MAPK6: variants seen among roughly 807,000 people sequenced by gnomAD.
The protein encoded by MAPK6 is ERK-3.
In MAPK6, 19 loss-of-function variants were observed where a neutral mutation model predicts 59.3. The ratio of observed to expected loss-of-function variants is 0.32; its 90% CI spans 0.22 to 0.47. The LOEUF (loss-of-function observed/expected upper bound fraction) is 0.47, where lower values mean the gene tolerates loss of function less well. MAPK6 is among the 20% of genes least tolerant of loss of function. The pLI, the probability that MAPK6 is intolerant of heterozygous loss-of-function variation, is 1.00. For missense variants in MAPK6, 724 were observed against 847.9 expected, an observed-to-expected ratio of 0.85 and a Z score of 1.81; for synonymous variants, 316 against 290.3, an observed-to-expected ratio of 1.09 and a Z score of -0.90.
chr15:52,025,787 CA>C (rs200008223), intron 1 of MAPK6, among the ~76,000 whole-genome samples: 2 of 149,778 alleles, frequency 1.3e-5, no homozygotes, highest in Non-Finnish European at 3.0e-5. Context: ...GACTACGTCT[CA>C]AAAAAAAATA....
intron 1 of MAPK6, among the ~76,000 whole-genome samples, chr15:51,981,996 C>G (rs2057175000): frequency 6.6e-6 from 1 of 152,064 alleles, no homozygotes; most frequent in Non-Finnish European, 1.5e-5. Flanking sequence ...TAAAATAGTA[C>G]TGAGGTGGGG....
intron 2 of MAPK6, among the ~76,000 whole-genome samples, chr15:51,990,738 C>T (rs765381610): frequency 7.2e-5 from 11 of 152,144 alleles, no homozygotes; most frequent in African/African-American, 1.4e-4. Flanking sequence ...ATCACGAGGT[C>T]GGGAGATCGA....
intron 1 of MAPK6, among the ~76,000 whole-genome samples, chr15:52,026,627 C>T (rs2030788653): frequency 6.6e-6 from 1 of 151,988 alleles, no homozygotes; most frequent in Admixed American, 6.6e-5. Flanking sequence ...AAGATTCTAA[C>T]CCTATAGTCA....
intron 1 of MAPK6, among the ~76,000 whole-genome samples, chr15:52,024,860 T>C (rs1175105134): frequency 6.7e-6 from 1 of 148,926 alleles, no homozygotes; most frequent in Admixed American, 6.8e-5. Flanking sequence ...ACTACAGGCA[T>C]GTGCCATCAT....
At chr15:52,009,359 A>G (rs1427184223) in intron 3 of MAPK6, among the ~76,000 whole-genome samples, 1 of 152,226 alleles carries the variant, frequency 6.6e-6, no homozygotes, top group African/African-American at 2.4e-5. Flanking sequence ...TCCAGAAATT[A>G]GGAGTATCTG....
At chr15:52,049,361 T>TA (rs2031704264) in intron 2 of MAPK6, among the ~76,000 whole-genome samples, 1 of 149,464 alleles carries the variant, frequency 6.7e-6, no homozygotes, top group Admixed American at 6.6e-5. Flanking sequence ...ATTTTTTTTT[T>TA]TTTTTTTTTT....
intron 1 of MAPK6, among the ~76,000 whole-genome samples, chr15:52,043,862 A>G (rs756269436): frequency 2.2e-5 from 3 of 135,102 alleles, no homozygotes; most frequent in Non-Finnish European, 4.6e-5. Context: ...TGCAACCTCT[A>G]CCTACCTGGT....
At chr15:51,988,229 T>C (rs2057197078) in intron 2 of MAPK6, among the ~76,000 whole-genome samples, 1 of 152,002 alleles carries the variant, frequency 6.6e-6, no homozygotes, top group African/African-American at 2.4e-5. Context: ...GAAAAGAATA[T>C]GAAAGGTTAT....
chr15:52,000,799 C>CA lies in MAPK6; in HGVS notation c.-769-3452dup, dbSNP rs573980691. Among the ~76,000 whole-genome samples the CA allele has an allele frequency of 6.6e-3, 874 of 133,126 alleles. 12 individuals are homozygous for CA. The South Asian group carries it at 0.08, about 12-fold the overall frequency. The allele number at this position is 133,126 out of a possible 152,430, so 87.3% of individuals were successfully genotyped here. ...TGGGCGACAGAGAGAGACTCCATTT[C>CA]AAAAAAAAAAAAAATTCAATAGCTT... is the stretch of plus-strand genomic sequence containing the variant. On this transcript the variant is annotated intron_variant, in intron 2 of 7. Coordinates refer to the MAPK6 transcript ENST00000691380.
At chr15:52,053,405 A>G (rs537575386) in intron 3 of MAPK6, among the ~76,000 whole-genome samples, 1 of 152,172 alleles carries the variant, frequency 6.6e-6, no homozygotes, top group South Asian at 2.1e-4. Context: ...CATTTCCCTA[A>G]TAACTAATGG....
intron 3 of MAPK6, among the ~76,000 whole-genome samples, chr15:52,006,191 C>T (rs1210500766): frequency 6.6e-6 from 1 of 152,140 alleles, no homozygotes; most frequent in Non-Finnish European, 1.5e-5. Flanking sequence ...TAACAATATG[C>T]TAGGCCTGTT....
intron 1 of MAPK6, chr15:52,020,177 C>G (rs2030466238): frequency 1.3e-5 from 2 of 152,256 alleles, no homozygotes; most frequent in African/African-American, 2.4e-5. Context: ...AGGGCCTTGT[C>G]ACTTTGCTGT....
chr15:52,033,070 A>C (rs1208863212), intron 1 of MAPK6, among the ~76,000 whole-genome samples: 1 of 152,192 alleles, frequency 6.6e-6, no homozygotes, highest in African/African-American at 2.4e-5. Context: ...ACTTCCTGAG[A>C]AGTAACTGGG....
Position 52,064,686 on chromosome 15 carries a change from C to G in MAPK6, c.1852C>G (p.Gln618Glu). ...NQFCEVRKDE[Q>E]VEKENTYTSY... ...GTTTTGTGAGGTAAGGAAGGATGAA[C>G]AAGTTGAGAAGGAAAACACTTACAC... Residue 618 changes from glutamine to glutamate, a missense_variant, in exon 6 of 6, where the codon CAA becomes GAA. This residue lies in a region of MAPK6 where 502 missense variants were observed against 507.6 expected (regional missense o/e 0.99). Coordinates refer to ENST00000261845, the MANE Select transcript of MAPK6 (RefSeq NM_002748.4). 1.9e-6 allele frequency: 3 copies of G among 1,611,802 alleles called. No individual in the cohort carries two copies. The highest frequency in any genetic ancestry group is 2.5e-6 in the Non-Finnish European group (3 of 1,179,796).
upstream of MAPK6, among the ~76,000 whole-genome samples, chr15:52,016,299 G>C (rs780811714): frequency 2.6e-5 from 4 of 151,132 alleles, no homozygotes; most frequent in East Asian, 7.8e-4. Flanking sequence ...TGACACAGGA[G>C]AATTGCTTGA....
At chr15:52,058,866 G>A in intron 4 of MAPK6, 69 bp downstream of exon 4, 3 of 1,359,454 alleles carry the variant, frequency 2.2e-6, no homozygotes, top group East Asian at 5.0e-5. Flanking sequence ...TAGGGAAGCT[G>A]GAGCTTTTTA....
intron 1 of MAPK6, among the ~76,000 whole-genome samples, chr15:51,978,421 A>T (rs1458238500): frequency 6.6e-6 from 1 of 151,992 alleles, no homozygotes; most frequent in Non-Finnish European, 1.5e-5. Context: ...GGCGTGAGCC[A>T]CCATGCCCAG....
chr15:52,061,032 C>A (rs1363877280), intron 4 of MAPK6, among the ~76,000 whole-genome samples: 2 of 152,160 alleles, frequency 1.3e-5, no homozygotes, highest in Admixed American at 1.3e-4. Context: ...AGGCGTGAGC[C>A]ACCACACTCA....
rs1213324777 is a variant in MAPK6 at position 52,064,375 on chromosome 15, T to G, written c.1541T>G (p.Leu514Arg). The stretch of plus-strand genomic sequence containing the variant: ...GCGCTAGAGGAAGCATCACAGCAAC[T>G]GGCTGGAAAAGAAAGGGAAAAGAAT... ...QIALEEASQQ[L>R]AGKEREKNQG... Residue 514 changes from leucine (L) to arginine (R), a missense_variant, in exon 6 of 6, where the codon CTG becomes CGG. This residue lies in a region of MAPK6 where 502 missense variants were observed against 507.6 expected (regional missense o/e 0.99). Transcript: ENST00000261845. The G allele has an allele frequency of 1.2e-6, 2 of 1,611,934 alleles. No homozygotes were observed. The highest frequency in any genetic ancestry group is 2.7e-5 in the African/African-American group (2 of 74,976).
Sources: allele counts gnomAD v4.1 joint callset (sites outside exome capture counted in the v4.1 genomes callset), GRCh38; gene constraint gnomAD v4.1.1; regional missense constraint gnomAD v4.1.1; transcripts MANE v1.5; gene names NCBI Gene and HGNC (gene_info 2026-07-23, HGNC 2026-07-21).